EFTUD2: variants seen among roughly 807,000 people sequenced by gnomAD.
The protein encoded by EFTUD2 is elongation factor Tu GTP binding domain containing 2.
EFTUD2 carries 9 observed loss-of-function variants against 114.3 expected under a neutral mutation model. The ratio of observed to expected loss-of-function variants is 0.08; its 90% CI spans 0.05 to 0.14. The LOEUF is 0.14. Ranked by LOEUF, EFTUD2 falls within the 10% of genes least tolerant of loss-of-function variation. EFTUD2 has a pLI of 1.00. For synonymous variants in EFTUD2, 449 were observed against 462.3 expected (o/e 0.97, Z 0.37); for missense variants, 765 against 1,241.2 (o/e 0.62, Z 5.76).
chr17:44,883,763 A>C (rs764577909), intron 4 of EFTUD2, 39 bp from the exon 5 acceptor site: 1 of 1,603,234 alleles, frequency 6.2e-7, no homozygotes, highest in Non-Finnish European at 8.5e-7. Flanking sequence ...GAGATTGGCA[A>C]ACGTTTCCAA....
intron 12 of EFTUD2, 76 bp from the exon 13 acceptor site, chr17:44,867,973 G>T: frequency 7.2e-7 from 1 of 1,380,264 alleles, no homozygotes; most frequent in Non-Finnish European, 9.8e-7. Flanking sequence ...TTGTCTAAGT[G>T]CTGAATCTGA....
chr17:44,872,688 G>A, intron 10 of EFTUD2, 118 bp from the exon 11 acceptor site: 1 of 1,320,146 alleles, frequency 7.6e-7, no homozygotes, highest in Non-Finnish European at 1.0e-6. Context: ...AGGGACTTGT[G>A]CAAGACACTC....
chr17:44,850,869 A>C lies in EFTUD2; in HGVS notation c.*405T>G. On this transcript the variant is annotated 3_prime_UTR_variant, in exon 28 of 28. Transcript: ENST00000426333. ...CATATATTCAGAATGTAAGCACCAGACGGGGCAGGGGAGACGAGGATGAAA... is the reference window on the plus strand; with the variant it reads ...CATATATTCAGAATGTAAGCACCAGCCGGGGCAGGGGAGACGAGGATGAAA... 4.2e-6 allele frequency: 1 copy of C among 237,760 alleles called. No individual in the cohort carries two copies. The highest frequency in any genetic ancestry group is 2.2e-5 in the African/African-American group (1 of 45,294). 14.7% of individuals were successfully genotyped at this position (237,760 alleles called of 1,614,324 possible). A position where few individuals can be genotyped will look rare whatever the true frequency, so the allele number is the denominator to read the frequency against.
At position 44,854,149 on chromosome 17, in the gene EFTUD2, G is replaced by C; in HGVS notation, c.2347+120C>G. The C allele has an allele frequency of 2.8e-6, 4 of 1,417,474 alleles. No homozygotes were observed. Among genetic ancestry groups the C allele is most frequent in the Non-Finnish European group, 3.8e-6 (4 of 1,051,850 alleles). 87.8% of individuals were successfully genotyped at this position (1,417,474 alleles called of 1,614,324 possible). A position where few individuals can be genotyped will look rare whatever the true frequency, so the allele number is the denominator to read the frequency against. ...AGAAGCTGGCCCAGGACTTGGGATG[G>C]TCCTGTGTACCCCAAGCTGCTTCTC... On this transcript the variant is annotated intron_variant, in intron 23 of 27. Transcript: ENST00000426333. This position sits in a 1 kb window ranked among gnomAD's most constrained non-coding sequence, Gnocchi z 4.3.
chr17:44,850,832 C>T lies in EFTUD2; in HGVS notation c.*442G>A, dbSNP rs117979815. ...GCTGGAAGCAGAGGCAGTGAAGCCT[C>T]TTGGGAGATGACATATATTCAGAAT... On this transcript the variant is annotated 3_prime_UTR_variant, in exon 28 of 28. Transcript: ENST00000426333. 8,229 of 235,430 alleles carry T rather than the reference C, an allele frequency of 0.035. 196 individuals are homozygous for T. The highest frequency in any genetic ancestry group is 0.11 in the Middle Eastern group (63 of 592). 14.6% of individuals were successfully genotyped at this position (235,430 alleles called of 1,614,324 possible). A position where few individuals can be genotyped will look rare whatever the true frequency, so the allele number is the denominator to read the frequency against.
At chr17:44,863,108 CTT>C (rs35450462) in intron 15 of EFTUD2, 1,332 of 266,200 alleles carry the variant, frequency 5.0e-3, no homozygotes, top group Middle Eastern at 8.2e-3. Flanking sequence ...ATATTCTCCT[CTT>C]TTTTTTTTTT....
chr17:44,880,494 A>G (rs2051053716), intron 8 of EFTUD2, 60 bp downstream of exon 8: 2 of 1,334,838 alleles, frequency 1.5e-6, no homozygotes, highest in Non-Finnish European at 2.1e-6. Context: ...CCGAAAAGTG[A>G]GAGGACACAC....
intron 13 of EFTUD2, among the ~76,000 whole-genome samples, chr17:44,867,060 T>C (rs2050758820): frequency 6.6e-6 from 1 of 152,206 alleles, no homozygotes; most frequent in African/African-American, 2.4e-5. Context: ...TGAGCTATGA[T>C]CGTGCTATTG....
Position 44,872,450 on chromosome 17 carries a change from G to T in EFTUD2, c.990C>A (p.Thr330=), listed in dbSNP as rs774584001. 2.5e-6 allele frequency: 4 copies of T among 1,612,454 alleles called. No homozygotes were observed. In the African/African-American group the frequency reaches 5.3e-5, roughly 22 times the overall value. The change falls in exon 11 of 28, where the codon ACC becomes ACA. Residue 330 remains threonine (T), a synonymous_variant. Coordinates refer to ENST00000426333, the MANE Select transcript of EFTUD2 (RefSeq NM_004247.4). Reference sequence around the variant, plus strand: ...AGACTGCCAGCCAGCGCTTACCAAAGGTGTCGGCATAGATCTTGGCAAAGG... The same window carrying T: ...AGACTGCCAGCCAGCGCTTACCAAATGTGTCGGCATAGATCTTGGCAAAGG... ...LGSFAKIYAD[T]FGDINYQEFA...
chr17:44,874,993 C>T (rs570087938), intron 10 of EFTUD2, among the ~76,000 whole-genome samples: 1 of 152,184 alleles, frequency 6.6e-6, no homozygotes, highest in South Asian at 2.1e-4. Flanking sequence ...AATATTATTC[C>T]TTTTTTACTG....
chr17:44,856,511 C>T lies in EFTUD2; in HGVS notation c.2045+564G>A, dbSNP rs142110337. Among the ~76,000 whole-genome samples, 3 of 150,628 alleles carry T rather than the reference C, an allele frequency of 2.0e-5. No homozygotes were observed. The East Asian group carries it at 5.9e-4, about 29-fold the overall frequency. Reference sequence around the variant, plus strand: ...TGCCACTGTACTCCAGCCTGGGCGACAGAGCGAGACTGTCTTAAAAAAAAG... The same window carrying T: ...TGCCACTGTACTCCAGCCTGGGCGATAGAGCGAGACTGTCTTAAAAAAAAG... On this transcript the variant is annotated intron_variant, in intron 20 of 27. Coordinates refer to ENST00000426333, the MANE Select transcript of EFTUD2 (RefSeq NM_004247.4).
chr17:44,879,349 G>A (rs1015574974), intron 9 of EFTUD2, among the ~76,000 whole-genome samples: 2 of 152,164 alleles, frequency 1.3e-5, no homozygotes, highest in African/African-American at 4.8e-5. Flanking sequence ...GCCTCCCAAA[G>A]TGCTGGGATT....
chr17:44,850,312 A>C lies in EFTUD2; in HGVS notation c.*962T>G, dbSNP rs1436206292. The C allele has an allele frequency of 3.7e-6, 6 of 1,604,246 alleles. No homozygotes were observed. Among genetic ancestry groups the C allele is most frequent in the African/African-American group, 2.7e-5 (2 of 74,824 alleles). On this transcript the variant is annotated 3_prime_UTR_variant, in exon 28 of 28. Coordinates refer to ENST00000426333, the MANE Select transcript of EFTUD2 (RefSeq NM_004247.4). ...GAAGGGTTTGATGCCAAGGGGCATTATTTCTTTTCTCTCACACAGGTGCTG... is the reference window on the plus strand; with the variant it reads ...GAAGGGTTTGATGCCAAGGGGCATTCTTTCTTTTCTCTCACACAGGTGCTG...
chr17:44,883,936 A>G (rs1478212835), intron 4 of EFTUD2: 4 of 565,936 alleles, frequency 7.1e-6, no homozygotes, highest in South Asian at 4.3e-5. Context: ...TGAATGGACT[A>G]TCACGGGGAT....
At chr17:44,887,328 G>A (rs1313202998) in intron 2 of EFTUD2, among the ~76,000 whole-genome samples, 1 of 152,096 alleles carries the variant, frequency 6.6e-6, no homozygotes, top group African/African-American at 2.4e-5. Flanking sequence ...ATATACCCAA[G>A]ACAAATGAAA....
Position 44,851,054 on chromosome 17 carries a change from T to G in EFTUD2, c.*220A>C, listed in dbSNP as rs2050438767. On this transcript the variant is annotated 3_prime_UTR_variant, in exon 28 of 28. Coordinates refer to ENST00000426333, the MANE Select transcript of EFTUD2 (RefSeq NM_004247.4). ...TGAGCCCAAGCTCCTCTCTTTTCCT[T>G]GGGAATGGAGCCCGGCAGAGGCCAC... The G allele has an allele frequency of 2.0e-6, 1 of 505,858 alleles. No homozygotes were observed. The allele number at this position is 505,858 out of a possible 1,614,324, so 31.3% of individuals were successfully genotyped here. A position where few individuals can be genotyped will look rare whatever the true frequency, so the allele number is the denominator to read the frequency against.
chr17:44,863,588 G>A, intron 15 of EFTUD2, 67 bp downstream of exon 15: 1 of 1,568,772 alleles, frequency 6.4e-7, no homozygotes. Context: ...CCTGTGACCA[G>A]AAATCAGTAT....
intron 19 of EFTUD2, chr17:44,857,378 G>A: frequency 2.2e-6 from 1 of 457,462 alleles, no homozygotes; most frequent in Non-Finnish European, 4.1e-6. Flanking sequence ...TTAGATTCCT[G>A]AGCCAAGAGT....
rs1178911964 is a variant in EFTUD2 at position 44,875,921 on chromosome 17, A to T, written c.869+13T>A. ...CTCCGAGGACAGGAAATCCACTCCC[A>T]GGGGTTTTCTACCTTATTAATCCAT... On this transcript the variant is annotated intron_variant, in intron 10 of 27. Coordinates refer to ENST00000426333, the MANE Select transcript of EFTUD2 (RefSeq NM_004247.4). 1 of 1,611,228 alleles carries T rather than the reference A, an allele frequency of 6.2e-7. No homozygotes were observed.
Sources: gnomAD v4.1 joint callset for allele counts (sites outside exome capture counted in the v4.1 genomes callset) on GRCh38, gnomAD v4.1.1 for gene constraint, Gnocchi (gnomAD v3.1) non-coding constraint, MANE v1.5 for transcripts, NCBI Gene and HGNC (gene_info 2026-07-23, HGNC 2026-07-21) for gene names.